Variants in OR1J2 observed in about 807,000 individuals in gnomAD.
OR1J2 encodes olfactory receptor 1J2.
For missense variants in OR1J2, 304 were observed against 246.1 expected, an observed-to-expected ratio of 1.24 and a Z score of -1.57; for synonymous variants, 142 against 99.7, an observed-to-expected ratio of 1.42 and a Z score of -2.52.
chr9:122,578,479 A>G, the OR1J2 span: 2 of 151,838 alleles, frequency 1.3e-5, no homozygotes, highest in Non-Finnish European at 2.9e-5. Flanking sequence ...ATCATTATAT[A>G]CAAAAAAAGA....
chr9:122,532,434 G>T, the OR1J2 span, among the ~76,000 whole-genome samples: 48 of 152,012 alleles, frequency 3.2e-4, no homozygotes, highest in African/African-American at 1.1e-3. Context: ...AGAAGGAAAT[G>T]TGGGGAAATG....
chr9:122,447,463 A>G, the OR1J2 span: 1 of 152,020 alleles, frequency 6.6e-6, no homozygotes, highest in African/African-American at 2.4e-5. Context: ...TCTGTCTTCT[A>G]TGGAGCACCT....
At chr9:122,448,993 C>T in the OR1J2 span, 1 of 96,864 alleles carries the variant, frequency 1.0e-5, no homozygotes, top group African/African-American at 3.7e-5. Flanking sequence ...AAAAAAAAAA[C>T]AAGCGATAAT....
chr9:122,468,873 C>A, the OR1J2 span, among the ~76,000 whole-genome samples: 2,589 of 152,292 alleles, frequency 0.017, 31 homozygotes, highest in East Asian at 0.07. Context: ...GCTGCAATAA[C>A]CTTAACCCTG....
chr9:122,478,836 G>C, the OR1J2 span, among the ~76,000 whole-genome samples: 1 of 152,276 alleles, frequency 6.6e-6, no homozygotes, highest in South Asian at 2.1e-4. Context: ...CTGGAGTGCA[G>C]TGGTGAGATC....
At chr9:122,505,356 T>A in the OR1J2 span, among the ~76,000 whole-genome samples, 26 of 152,080 alleles carry the variant, frequency 1.7e-4, no homozygotes, top group African/African-American at 4.8e-5. Context: ...TTAGCTCAGG[T>A]TTCTCTTTCT....
chr9:122,544,207 A>T, the OR1J2 span, among the ~76,000 whole-genome samples: 1 of 151,910 alleles, frequency 6.6e-6, no homozygotes, highest in African/African-American at 2.4e-5. Context: ...TTTTTTTTAA[A>T]TGATGAGGGA....
At chr9:122,452,561 A>G in the OR1J2 span, among the ~76,000 whole-genome samples, 1 of 152,204 alleles carries the variant, frequency 6.6e-6, no homozygotes, top group African/African-American at 2.4e-5. Context: ...TTGACAAGCA[A>G]GATGCTGAGC....
the OR1J2 span, among the ~76,000 whole-genome samples, chr9:122,551,995 C>G: frequency 2.6e-5 from 3 of 114,370 alleles, no homozygotes; most frequent in Non-Finnish European, 4.1e-5. Flanking sequence ...TAAAACTGAT[C>G]CATAATCTGA....
chr9:122,450,521 A>T, the OR1J2 span, among the ~76,000 whole-genome samples: 1 of 152,236 alleles, frequency 6.6e-6, no homozygotes, highest in Non-Finnish European at 1.5e-5. Context: ...GTTTCTACAC[A>T]CGTACACATT....
At chr9:122,473,478 A>G in the OR1J2 span, among the ~76,000 whole-genome samples, 3 of 152,228 alleles carry the variant, frequency 2.0e-5, no homozygotes, top group East Asian at 3.8e-4. Context: ...TTATAGTAAT[A>G]TAACTGACCC....
At chr9:122,462,019 A>G in the OR1J2 span, among the ~76,000 whole-genome samples, 1 of 152,090 alleles carries the variant, frequency 6.6e-6, no homozygotes, top group East Asian at 1.9e-4. Context: ...GTAGAGTGTT[A>G]AATTCCCCCA....
the OR1J2 span, among the ~76,000 whole-genome samples, chr9:122,563,309 AT>A: frequency 6.6e-6 from 1 of 152,100 alleles, no homozygotes; most frequent in Non-Finnish European, 1.5e-5. Flanking sequence ...GTTAACAATA[AT>A]TTATTGTATA....
At chr9:122,538,299 T>C in the OR1J2 span, among the ~76,000 whole-genome samples, 1 of 152,244 alleles carries the variant, frequency 6.6e-6, no homozygotes, top group Admixed American at 6.5e-5. Flanking sequence ...TATGATTTCT[T>C]TCATAAGTGT....
the OR1J2 span, chr9:122,568,148 G>A: frequency 2.5e-6 from 4 of 1,614,152 alleles, no homozygotes; most frequent in Non-Finnish European, 3.4e-6. Context: ...AGCTGTCACT[G>A]TTGCCCAAGG....
the OR1J2 span, among the ~76,000 whole-genome samples, chr9:122,550,250 T>C: frequency 6.6e-6 from 1 of 152,082 alleles, no homozygotes; most frequent in South Asian, 2.1e-4. Context: ...TGAGATTGAA[T>C]CATACAATCT....
At chr9:122,530,093 A>T in the OR1J2 span, among the ~76,000 whole-genome samples, 2 of 152,210 alleles carry the variant, frequency 1.3e-5, no homozygotes, top group South Asian at 4.1e-4. Context: ...TAAGGGGGTT[A>T]AGGGAGGGAT....
At chr9:122,493,339 T>C in the OR1J2 span, among the ~76,000 whole-genome samples, 1 of 152,180 alleles carries the variant, frequency 6.6e-6, no homozygotes. Flanking sequence ...TTTTGGACTT[T>C]TCTTCGTTGG....
At chr9:122,452,168 G>A in the OR1J2 span, among the ~76,000 whole-genome samples, 18 of 152,218 alleles carry the variant, frequency 1.2e-4, no homozygotes, top group Middle Eastern at 3.4e-3. Flanking sequence ...GTGAGTCACC[G>A]CGCCCAGCCC....
Sources: allele counts gnomAD v4.1 joint callset (sites outside exome capture counted in the v4.1 genomes callset), GRCh38; gene constraint gnomAD v4.1.1; transcripts MANE v1.5; gene names NCBI Gene and HGNC (gene_info 2026-07-23, HGNC 2026-07-21).